Variants in AMPH observed in about 807,000 individuals in gnomAD.
The protein encoded by AMPH is amphiphysin (Stiff-Mann syndrome with breast cancer 128kD autoantigen).
In AMPH, 49 loss-of-function variants were observed where a neutral mutation model predicts 99.1. The observed-to-expected ratio is 0.49, with a 90% CI of 0.39 to 0.63. The LOEUF (loss-of-function observed/expected upper bound fraction) is 0.63. AMPH is among the 20% of genes least tolerant of loss of function. The probability of loss-of-function intolerance (pLI) is 0.00; values close to 1 mark genes in which losing one functional copy is unlikely to be tolerated. For synonymous variants in AMPH, 314 were observed against 317.3 expected (o/e 0.99, Z 0.11); for missense variants, 759 against 863.4 (o/e 0.88, Z 1.52).
At chr7:38,548,548 T>C (rs1423258558) in intron 1 of AMPH, among the ~76,000 whole-genome samples, 2 of 152,102 alleles carry the variant, frequency 1.3e-5, no homozygotes, top group African/African-American at 2.4e-5. Flanking sequence ...TCTGGGGTAA[T>C]ATCCAAGGTT....
intron 2 of AMPH, among the ~76,000 whole-genome samples, chr7:38,517,462 T>C (rs1264575780): frequency 6.6e-6 from 1 of 152,234 alleles, no homozygotes; most frequent in Non-Finnish European, 1.5e-5. Context: ...CCTTCTGCCA[T>C]AATTGTAAGT....
At chr7:38,613,889 G>T (rs558500190) in intron 1 of AMPH, among the ~76,000 whole-genome samples, 82 of 151,788 alleles carry the variant, frequency 5.4e-4, no homozygotes, top group Non-Finnish European at 5.3e-4. Context: ...AACCCAGGAT[G>T]CCACAGCAGT....
At chr7:38,600,375 A>G (rs1247021661) in intron 1 of AMPH, among the ~76,000 whole-genome samples, 1 of 152,160 alleles carries the variant, frequency 6.6e-6, no homozygotes, top group East Asian at 1.9e-4. Flanking sequence ...AAAAAATAGT[A>G]TTTAATGGTG....
chr7:38,515,911 G>A (rs1037852128), intron 2 of AMPH, among the ~76,000 whole-genome samples: 4 of 152,224 alleles, frequency 2.6e-5, no homozygotes, highest in East Asian at 1.9e-4. Context: ...GAGATGGCAG[G>A]CATTGTGCCC....
chr7:38,394,065 G>T lies in AMPH; in HGVS notation c.1548C>A (p.Thr516=), dbSNP rs989260012. The part of the protein sequence containing the change: ...SLEEAKIGTE[T]TEGAESAQPE... ...GTTGGGCACTCTCTGCACCCTCAGT[G>T]GTTTCAGTTCCAATTTTGGCCTCCT... Residue 516 remains threonine, a synonymous_variant, in exon 18 of 21, where the codon ACC becomes ACA. Transcript: ENST00000356264. The T allele has an allele frequency of 1.9e-6, 3 of 1,614,012 alleles. No homozygotes were observed. In the Admixed American group the frequency reaches 5.0e-5, roughly 27 times the overall value.
intron 15 of AMPH, among the ~76,000 whole-genome samples, chr7:38,424,862 TAGAG>T (rs1462502042): frequency 6.6e-6 from 1 of 151,166 alleles, no homozygotes; most frequent in African/African-American, 2.4e-5. Context: ...AGGAGGGAGA[TAGAG>T]AGAAAGAATG....
chr7:38,540,692 CAAAAAAAAAAAAA>C (rs373768495), intron 1 of AMPH, among the ~76,000 whole-genome samples: 9 of 19,752 alleles, frequency 4.6e-4, no homozygotes, highest in East Asian at 1.7e-3. Flanking sequence ...TGACCCCAAG[CAAAAAAAAAAAAA>C]AAAAAAAAAA....
intron 10 of AMPH, among the ~76,000 whole-genome samples, chr7:38,461,982 A>G (rs1264173162): frequency 6.6e-6 from 1 of 152,194 alleles, no homozygotes; most frequent in Non-Finnish European, 1.5e-5. Flanking sequence ...GGACTTTAGG[A>G]AAGTGTAAAA....
intron 5 of AMPH, among the ~76,000 whole-genome samples, chr7:38,482,104 A>T (rs377198342): frequency 2.8e-4 from 43 of 152,256 alleles, no homozygotes; most frequent in Middle Eastern, 3.4e-3. Context: ...TTAATAGCAT[A>T]GCTATTACAA....
At chr7:38,391,368 A>G (rs889643695) in intron 19 of AMPH, among the ~76,000 whole-genome samples, 4 of 152,128 alleles carry the variant, frequency 2.6e-5, no homozygotes, top group Non-Finnish European at 5.9e-5. Flanking sequence ...AGTTGACTGA[A>G]GGATTGCTGC....
chr7:38,622,965 C>T (rs1300822059), intron 1 of AMPH, among the ~76,000 whole-genome samples: 1 of 152,108 alleles, frequency 6.6e-6, no homozygotes, highest in Non-Finnish European at 1.5e-5. Flanking sequence ...CAGTGCTCAT[C>T]CAGGGATAAG....
chr7:38,404,976 T>C (rs1236830769), intron 17 of AMPH, among the ~76,000 whole-genome samples: 4 of 152,032 alleles, frequency 2.6e-5, no homozygotes, highest in Non-Finnish European at 5.9e-5. Flanking sequence ...CAAATTTACC[T>C]GCAAAGGAAA....
intron 2 of AMPH, among the ~76,000 whole-genome samples, chr7:38,504,516 C>T (rs1208016495): frequency 3.3e-5 from 5 of 152,112 alleles, no homozygotes; most frequent in African/African-American, 7.2e-5. Flanking sequence ...ATACAGACAG[C>T]GTTATCAAGC....
chr7:38,608,996 A>G (rs1793531568), intron 1 of AMPH, among the ~76,000 whole-genome samples: 1 of 152,158 alleles, frequency 6.6e-6, no homozygotes, highest in Admixed American at 6.5e-5. Context: ...TGAGGCAAAG[A>G]GCGATATTTT....
intron 15 of AMPH, among the ~76,000 whole-genome samples, chr7:38,424,872 G>C (rs1785727395): frequency 6.6e-6 from 1 of 152,126 alleles, no homozygotes; most frequent in Non-Finnish European, 1.5e-5. Context: ...TAGAGAGAAA[G>C]AATGAGGAGA....
At chr7:38,574,826 C>G (rs374151068) in intron 1 of AMPH, among the ~76,000 whole-genome samples, 1 of 151,916 alleles carries the variant, frequency 6.6e-6, no homozygotes, top group Non-Finnish European at 1.5e-5. Context: ...GAGGCCGGGG[C>G]GGGCAGATCA....
chr7:38,551,547 G>A (rs929528963), intron 1 of AMPH, among the ~76,000 whole-genome samples: 9 of 152,162 alleles, frequency 5.9e-5, no homozygotes, highest in African/African-American at 1.7e-4. Flanking sequence ...ATTATGCTGC[G>A]AAAAGTGGCC....
At chr7:38,587,177 A>C (rs1433651147) in intron 1 of AMPH, among the ~76,000 whole-genome samples, 1 of 152,220 alleles carries the variant, frequency 6.6e-6, no homozygotes, top group Non-Finnish European at 1.5e-5. Context: ...GAGAATAAAC[A>C]AATCAAGGAG....
chr7:38,627,246 T>TA (rs1489328558), intron 1 of AMPH, among the ~76,000 whole-genome samples: 2 of 151,908 alleles, frequency 1.3e-5, no homozygotes, highest in Non-Finnish European at 2.9e-5. Flanking sequence ...AAGAGTTCTG[T>TA]AAAAATGCTG....
Sources: allele counts gnomAD v4.1 joint callset (sites outside exome capture counted in the v4.1 genomes callset), GRCh38; gene constraint gnomAD v4.1.1; transcripts MANE v1.5; gene names NCBI Gene and HGNC (gene_info 2026-07-23, HGNC 2026-07-21).